The following HSD17B4 variants were observed in gnomAD, a reference collection of about 807,000 sequenced individuals.
HSD17B4 encodes the protein peroxisomal multifunctional enzyme type 2.
HSD17B4 carries 70 observed loss-of-function variants against 101.0 expected under a neutral mutation model. That is an observed-to-expected ratio of 0.69 (90% confidence interval 0.57 to 0.85). The LOEUF (loss-of-function observed/expected upper bound fraction) is 0.85. Among genes scored for constraint, HSD17B4 ranks in the 40% least tolerant of loss-of-function variants. The pLI, the probability that HSD17B4 is intolerant of heterozygous loss-of-function variation, is 0.00. For missense variants in HSD17B4, 984 were observed against 892.4 expected, an observed-to-expected ratio of 1.10 and a Z score of -1.31; for synonymous variants, 347 against 297.1, an observed-to-expected ratio of 1.17 and a Z score of -1.73.
chr5:119,499,179 A>T lies in HSD17B4; in HGVS notation c.973-138A>T, dbSNP rs1387125509. ...ATTAGTTTCTATTAAAAAATAAAATATAATTGCAATAATTATGCTCCATCA... is the reference window on the plus strand; with the variant it reads ...ATTAGTTTCTATTAAAAAATAAAATTTAATTGCAATAATTATGCTCCATCA... On this transcript the variant is annotated intron_variant, in intron 12 of 23. Transcript: ENST00000510025. 1.1e-5 allele frequency: 7 copies of T among 640,878 alleles called. No homozygotes were observed. In the East Asian group the frequency reaches 1.7e-4, roughly 15 times the overall value. 39.7% of individuals were successfully genotyped at this position (640,878 alleles called of 1,614,324 possible).
chr5:119,491,110 G>C (rs937617347), intron 9 of HSD17B4, among the ~76,000 whole-genome samples: 4 of 151,928 alleles, frequency 2.6e-5, no homozygotes, highest in Non-Finnish European at 5.9e-5. Context: ...AATATTTTTT[G>C]GCTCAGCTGG....
intron 4 of HSD17B4, 145 bp downstream of exon 4, chr5:119,474,605 C>T (rs2126685130): frequency 2.9e-6 from 2 of 685,704 alleles, no homozygotes; most frequent in Non-Finnish European, 5.3e-6. Context: ...AATTATTGTA[C>T]TTATTTCATA....
chr5:119,522,630 A>C (rs1213931970), intron 17 of HSD17B4, among the ~76,000 whole-genome samples: 2 of 152,254 alleles, frequency 1.3e-5, no homozygotes, highest in African/African-American at 4.8e-5. Flanking sequence ...AGCAACATGC[A>C]ATTTCTTTAG....
chr5:119,534,338 G>C (rs3822527), intron 22 of HSD17B4, among the ~76,000 whole-genome samples: 41,934 of 151,630 alleles, frequency 0.28, 6,997 homozygotes, highest in East Asian at 0.41. Context: ...GTAGAGTTAA[G>C]TCTGCATATC....
At chr5:119,537,200 A>G (rs1022160965) in intron 23 of HSD17B4, among the ~76,000 whole-genome samples, 1 of 152,166 alleles carries the variant, frequency 6.6e-6, no homozygotes, top group Non-Finnish European at 1.5e-5. Context: ...TAGCTTTCAC[A>G]TAGGAGTAAT....
In HSD17B4 at chr5:119,456,332, G is replaced by C. The variant is rs751186437; in HGVS notation, c.76G>C (p.Ala26Pro). Residue 26 changes from alanine (A) to proline (P), a missense_variant, in exon 2 of 24, where the codon GCC (alanine) becomes CCC (proline). By Grantham distance (27) the Ala-to-Pro change is conservative. Coordinates refer to ENST00000510025, the MANE Select transcript of HSD17B4 (RefSeq NM_000414.4). The stretch of plus-strand genomic sequence containing the variant: ...TTGATTAGGATTGGGCCGAGCCTAT[G>C]CCCTGGCTTTTGCAGAAAGAGGAGC... ...GAGAGLGRAY[A>P]LAFAERGALV... 6 of 1,611,720 alleles carry C rather than the reference G, an allele frequency of 3.7e-6. No individual in the cohort carries two copies. The highest frequency in any genetic ancestry group is 1.3e-5 in the African/African-American group (1 of 74,986).
chr5:119,491,750 A>C (rs1449877130), intron 9 of HSD17B4, among the ~76,000 whole-genome samples: 2 of 152,168 alleles, frequency 1.3e-5, no homozygotes, highest in Non-Finnish European at 2.9e-5. Flanking sequence ...TAACCACATG[A>C]AATATGTACT....
intron 2 of HSD17B4, among the ~76,000 whole-genome samples, chr5:119,458,459 A>T (rs1754893990): frequency 6.7e-6 from 1 of 149,694 alleles, no homozygotes; most frequent in African/African-American, 2.5e-5. Flanking sequence ...TCTCTGCCTT[A>T]GCCTCCCAAG....
chr5:119,535,885 A>C (rs370824891), intron 22 of HSD17B4: 2 of 163,896 alleles, frequency 1.2e-5, no homozygotes, highest in African/African-American at 4.8e-5. Flanking sequence ...TTTGTAAAGT[A>C]TATATCTTAA....
Position 119,477,477 on chromosome 5 carries a change from A to T in HSD17B4, c.410A>T (p.His137Leu). The part of the protein sequence containing the change: ...SFQVTRAAWE[H>L]MKKQKYGRII... ...CAAGTGACACGGGCAGCATGGGAAC[A>T]CATGAAGAAACAGAAGTATGGAAGG... is the stretch of plus-strand genomic sequence containing the variant. The change falls in exon 7 of 24, where the codon CAC becomes CTC. Residue 137 changes from histidine (H) to leucine (L), a missense_variant. His to Leu is a moderately conservative substitution (Grantham distance 99). Coordinates refer to ENST00000510025, the MANE Select transcript of HSD17B4 (RefSeq NM_000414.4). 4 of 1,612,780 alleles carry T rather than the reference A, an allele frequency of 2.5e-6. No homozygotes were observed. Among genetic ancestry groups the T allele is most frequent in the Non-Finnish European group, 3.4e-6 (4 of 1,178,828 alleles).
At chr5:119,462,091 A>G (rs1490217686) in intron 2 of HSD17B4, among the ~76,000 whole-genome samples, 1 of 152,154 alleles carries the variant, frequency 6.6e-6, no homozygotes, top group Non-Finnish European at 1.5e-5. Context: ...TGGAAAATGT[A>G]CAAATGTATC....
At chr5:119,467,592 T>A (rs1755936945) in intron 2 of HSD17B4, among the ~76,000 whole-genome samples, 1 of 152,246 alleles carries the variant, frequency 6.6e-6, no homozygotes, top group South Asian at 2.1e-4. Context: ...CTATTATATC[T>A]GATGTAAGTG....
chr5:119,496,676 C>A (rs1750679371), intron 12 of HSD17B4, 30 bp downstream of exon 12: 2 of 1,211,048 alleles, frequency 1.7e-6, no homozygotes, highest in African/African-American at 3.0e-5. Context: ...AAAGCGTTTG[C>A]CTTCTCTGGA....
rs192542968 is a variant in HSD17B4, at chr5:119,489,622, T to C, written c.714+339T>C. On this transcript the variant is annotated intron_variant, in intron 9 of 23. Transcript: ENST00000510025. ...AACCAGGCCAGATTTTGAATTCTTA[T>C]TCTGGGAATTGCAGATTTGACCTTC... Among the ~76,000 whole-genome samples the C allele has an allele frequency of 8.3e-4, 126 of 152,248 alleles. 1 individual carries two copies. Among genetic ancestry groups the C allele is most frequent in the African/African-American group, 2.7e-3 (114 of 41,542 alleles).
chr5:119,504,506 T>G (rs1751473322), intron 14 of HSD17B4, among the ~76,000 whole-genome samples: 1 of 152,206 alleles, frequency 6.6e-6, no homozygotes, highest in East Asian at 1.9e-4. Flanking sequence ...CTCATTGTGG[T>G]TTTGATTTGC....
intron 16 of HSD17B4, among the ~76,000 whole-genome samples, chr5:119,511,209 C>G (rs935305555): frequency 3.9e-5 from 6 of 152,190 alleles, no homozygotes; most frequent in African/African-American, 1.4e-4. Flanking sequence ...ACCCTCTTCA[C>G]AAGGAAACAG....
At chr5:119,467,277 A>G (rs1755905342) in intron 2 of HSD17B4, among the ~76,000 whole-genome samples, 1 of 152,154 alleles carries the variant, frequency 6.6e-6, no homozygotes, top group South Asian at 2.1e-4. Context: ...GGACCATTTC[A>G]TTTCTAGAGC....
chr5:119,540,383 G>C (rs957415769), intron 23 of HSD17B4, among the ~76,000 whole-genome samples: 2 of 152,092 alleles, frequency 1.3e-5, no homozygotes, highest in Non-Finnish European at 2.9e-5. Context: ...GTATGGTTAA[G>C]GGCTTTAAGA....
At chr5:119,465,425 T>C (rs1186443911) in intron 2 of HSD17B4, among the ~76,000 whole-genome samples, 3 of 152,168 alleles carry the variant, frequency 2.0e-5, no homozygotes, top group East Asian at 1.9e-4. Context: ...CCTCCTTCTC[T>C]CTCTTGCTGC....
Sources: allele counts gnomAD v4.1 joint callset (sites outside exome capture counted in the v4.1 genomes callset), GRCh38; gene constraint gnomAD v4.1.1; transcripts MANE v1.5; gene names NCBI Gene and HGNC (gene_info 2026-07-23, HGNC 2026-07-21).